CEMIP: variants seen among roughly 807,000 people sequenced by gnomAD.
CEMIP encodes the protein cell migration-inducing and hyaluronan-binding protein.
A neutral mutation model predicts 156.9 loss-of-function variants in CEMIP; 105 were observed. The observed-to-expected ratio is 0.67, with a 90% CI of 0.57 to 0.79. The LOEUF (loss-of-function observed/expected upper bound fraction) is 0.79, where lower values mean the gene tolerates loss of function less well. CEMIP is among the 30% of genes least tolerant of loss of function. The pLI is 0.00. For synonymous variants in CEMIP, 676 were observed against 668.4 expected (o/e 1.01, Z -0.17); for missense variants, 1,457 against 1,769.4 (o/e 0.82, Z 3.17).
intron 14 of CEMIP, 61 bp downstream of exon 14, chr15:80,909,367 G>A: frequency 6.5e-7 from 1 of 1,544,076 alleles, no homozygotes; most frequent in African/African-American, 1.4e-5. Context: ...AGCACTGGAG[G>A]GGTGTTTGGA....
intron 6 of CEMIP, among the ~76,000 whole-genome samples, chr15:80,882,023 G>T (rs1293581866): frequency 2.6e-5 from 4 of 152,140 alleles, no homozygotes; most frequent in Admixed American, 2.0e-4. Flanking sequence ...GACAGAGGTG[G>T]GGTAGACAAA....
chr15:80,801,430 G>A (rs1896375316), intron 1 of CEMIP, among the ~76,000 whole-genome samples: 1 of 152,224 alleles, frequency 6.6e-6, no homozygotes. Flanking sequence ...GACTAGCCTG[G>A]GTTTGTTCTC....
chr15:80,815,559 C>T (rs913318872), intron 1 of CEMIP, among the ~76,000 whole-genome samples: 1 of 151,508 alleles, frequency 6.6e-6, no homozygotes, highest in Non-Finnish European at 1.5e-5. Context: ...CTTCCTACCT[C>T]CCTTCTTTCT....
chr15:80,943,187 C>A, intron 28 of CEMIP, 85 bp downstream of exon 28: 1 of 1,406,520 alleles, frequency 7.1e-7, no homozygotes, highest in East Asian at 2.3e-5. Flanking sequence ...CAAAGGCCCT[C>A]ATCACAGATC....
chr15:80,899,225 A>AG (rs1567089817), intron 12 of CEMIP, among the ~76,000 whole-genome samples: 29 of 126,782 alleles, frequency 2.3e-4, no homozygotes, highest in Admixed American at 3.2e-4. Context: ...AAAAAAAAAA[A>AG]AAAGAAAGAA....
chr15:80,890,448 G>T (rs1324657458), intron 10 of CEMIP, among the ~76,000 whole-genome samples: 1 of 151,522 alleles, frequency 6.6e-6, no homozygotes. Flanking sequence ...AAATTAGCTT[G>T]GTGTGGTGGC....
chr15:80,841,102 T>A (rs752664717), intron 1 of CEMIP, among the ~76,000 whole-genome samples: 4 of 152,198 alleles, frequency 2.6e-5, no homozygotes, highest in Non-Finnish European at 4.4e-5. Context: ...ACGGGGCACC[T>A]GTGGCTTTGC....
At chr15:80,779,873 G>T (rs1447719753) in intron 1 of CEMIP, among the ~76,000 whole-genome samples, 1 of 152,248 alleles carries the variant, frequency 6.6e-6, no homozygotes, top group Non-Finnish European at 1.5e-5. Context: ...CAAGCTGCAG[G>T]TGCCGGGGGG....
intron 1 of CEMIP, among the ~76,000 whole-genome samples, chr15:80,860,241 C>A (rs1329877179): frequency 6.6e-6 from 1 of 152,198 alleles, no homozygotes; most frequent in East Asian, 1.9e-4. Context: ...ACACATAGAA[C>A]CACTCCAATA....
chr15:80,886,118 G>A lies in CEMIP; in HGVS notation c.798-1576G>A, dbSNP rs75898315. On this transcript the variant is annotated intron_variant, in intron 7 of 29. Coordinates refer to ENST00000394685, the MANE Select transcript of CEMIP (RefSeq NM_001293298.2). ...GCAGGTATGAATGGAAATTGGTGAC[G>A]GGGCATGAGAGAGCAAGAGAGTGGG... Among the ~76,000 whole-genome samples the A allele has an allele frequency of 8.2e-4, 125 of 152,280 alleles. 1 individual carries two copies. In the East Asian group the frequency reaches 0.022, roughly 27 times the overall value.
At position 80,922,073 on chromosome 15, in the gene CEMIP, C is replaced by T. The variant is rs764560085; in HGVS notation, c.2138C>T (p.Pro713Leu). 2 of 1,614,146 alleles carry T rather than the reference C, an allele frequency of 1.2e-6. No individual in the cohort carries two copies. The highest frequency in any genetic ancestry group is 1.3e-5 in the African/African-American group (1 of 75,062). The change falls in exon 17 of 30, where the codon CCA becomes CTA. Residue 713 changes from proline (P) to leucine (L), a missense_variant. Physicochemically the swap from Pro to Leu is moderately conservative, Grantham distance 98. Coordinates refer to ENST00000394685, the MANE Select transcript of CEMIP (RefSeq NM_001293298.2). ...GGCCCCTCCGTGGGAATGTACTCCC[C>T]AGGTTATTCAGAGCACATTCCACTG... is the stretch of plus-strand genomic sequence containing the variant. ...PTGPSVGMYS[P>L]GYSEHIPLGK...
At chr15:80,856,908 C>T (rs1351567249) in intron 1 of CEMIP, among the ~76,000 whole-genome samples, 3 of 152,182 alleles carry the variant, frequency 2.0e-5, no homozygotes, top group Admixed American at 6.5e-5. Flanking sequence ...TAACTGATCC[C>T]ATCACAATGA....
intron 14 of CEMIP, 96 bp from the exon 15 acceptor site, chr15:80,919,998 A>G: frequency 9.0e-7 from 1 of 1,110,942 alleles, no homozygotes; most frequent in Non-Finnish European, 1.4e-6. Context: ...GAATGAATGA[A>G]TGAGCACATG....
chr15:80,843,414 G>A (rs906049280), intron 1 of CEMIP, among the ~76,000 whole-genome samples: 1 of 152,334 alleles, frequency 6.6e-6, no homozygotes, highest in South Asian at 2.1e-4. Flanking sequence ...CGCAGCTCCT[G>A]TTCTACTGCG....
In CEMIP at chr15:80,887,698, C is replaced by G. The variant is rs1898897582; in HGVS notation, c.802C>G (p.Pro268Ala). ...KHFLHLGFRH[P>A]WSFLTVKGNP... is the part of the protein sequence containing the mutation. Reference sequence around the variant, plus strand: ...TTATGTTTTTCTTTTTTTCAGACACCCTTGGAGTTTTCTAACTGTGAAAGG... The same window carrying G: ...TTATGTTTTTCTTTTTTTCAGACACGCTTGGAGTTTTCTAACTGTGAAAGG... Residue 268 changes from proline to alanine, a missense_variant, in exon 8 of 30, where the codon CCT becomes GCT. This residue lies in a region of CEMIP where 309 missense variants were observed against 340.8 expected (regional missense o/e 0.91). Transcript: ENST00000394685. 2.5e-6 allele frequency: 4 copies of G among 1,611,388 alleles called. No homozygotes were observed. In the African/African-American group the frequency reaches 4.0e-5, roughly 16 times the overall value.
intron 1 of CEMIP, among the ~76,000 whole-genome samples, chr15:80,783,327 C>A (rs1252018179): frequency 6.6e-6 from 1 of 152,246 alleles, no homozygotes; most frequent in Non-Finnish European, 1.5e-5. Context: ...GATAGCATAT[C>A]TTTGAAAAGT....
intron 7 of CEMIP, among the ~76,000 whole-genome samples, chr15:80,884,597 A>G (rs1898772838): frequency 6.6e-6 from 1 of 152,194 alleles, no homozygotes; most frequent in Non-Finnish European, 1.5e-5. Context: ...GTTTATATGA[A>G]CTCATTCATT....
At chr15:80,863,123 G>A (rs545957088) in intron 1 of CEMIP, among the ~76,000 whole-genome samples, 6 of 152,214 alleles carry the variant, frequency 3.9e-5, no homozygotes, top group Admixed American at 2.0e-4. Context: ...TATGATGCTG[G>A]GAGACAAAAC....
rs1356133635 is a variant in CEMIP at position 80,880,964 on chromosome 15, G to A, written c.445G>A (p.Gly149Ser). The change falls in exon 6 of 30, where the codon GGC (glycine) becomes AGC (serine). Residue 149 changes from glycine (G) to serine (S), a missense_variant. Physicochemically the swap from Gly to Ser is moderately conservative, Grantham distance 56 (BLOSUM62 0). Around this residue, in one of 5 missense-constraint regions of CEMIP, gnomAD observed 309 missense variants for 340.8 expected, o/e 0.91. Coordinates refer to ENST00000394685, the MANE Select transcript of CEMIP (RefSeq NM_001293298.2). ...GAAGTACATTGGGGTTGGTAAAGGA[G>A]GCGCTCTTGAGTTGCATGGACAGAA... ...GLKYIGVGKG[G>S]ALELHGQKKL... The A allele has an allele frequency of 2.5e-6, 4 of 1,614,088 alleles. No homozygotes were observed. Among genetic ancestry groups the A allele is most frequent in the Non-Finnish European group, 2.5e-6 (3 of 1,180,040 alleles).
Sources: allele counts gnomAD v4.1 joint callset (sites outside exome capture counted in the v4.1 genomes callset), GRCh38; gene constraint gnomAD v4.1.1; regional missense constraint gnomAD v4.1.1; transcripts MANE v1.5; gene names NCBI Gene and HGNC (gene_info 2026-07-23, HGNC 2026-07-21).